The following MACROD2 variants were observed in gnomAD, a reference collection of about 807,000 sequenced individuals.
MACROD2 encodes mono-ADP ribosylhydrolase 2, also known as ADP-ribose glycohydrolase MACROD2.
MACROD2 carries 36 observed loss-of-function variants against 70.4 expected under a neutral mutation model. That is an observed-to-expected ratio of 0.51 (90% confidence interval 0.39 to 0.68). MACROD2 has a LOEUF of 0.68. Ranked by LOEUF, MACROD2 falls within the 30% of genes least tolerant of loss-of-function variation. MACROD2 has a pLI of 0.00. For missense variants in MACROD2, 496 were observed against 538.4 expected (o/e 0.92, Z 0.78); for synonymous variants, 172 against 178.8 (o/e 0.96, Z 0.30).
intron 4 of MACROD2, among the ~76,000 whole-genome samples, chr20:14,537,014 G>T (rs998012649): frequency 6.6e-6 from 1 of 152,110 alleles, no homozygotes; most frequent in African/African-American, 2.4e-5. Flanking sequence ...AAGGGTCAGG[G>T]TGGCTTCCTG....
intron 4 of MACROD2, among the ~76,000 whole-genome samples, chr20:14,521,713 T>G (rs111988520): frequency 1.3e-5 from 2 of 152,204 alleles, no homozygotes; most frequent in African/African-American, 4.8e-5. Context: ...TGTTTTCACT[T>G]CACCATGGTT....
At chr20:14,284,749 C>A (rs1179479283) in intron 3 of MACROD2, among the ~76,000 whole-genome samples, 1 of 152,096 alleles carries the variant, frequency 6.6e-6, no homozygotes, top group Non-Finnish European at 1.5e-5. Context: ...ATGAGTGCCC[C>A]CCATTTACTT....
Position 15,800,981 on chromosome 20 carries a change from T to C in MACROD2, c.646-61764T>C, listed in dbSNP as rs567480728. Among the ~76,000 whole-genome samples the C allele has an allele frequency of 2.6e-5, 4 of 151,272 alleles. No homozygotes were observed. The East Asian group carries it at 5.9e-4, about 22-fold the overall frequency. On this transcript the variant is annotated intron_variant, in intron 8 of 17. Coordinates refer to ENST00000684519, the MANE Select transcript of MACROD2 (RefSeq NM_001351661.2). ...AAGATGTGCTTTGTTAAACAGATGC[T>C]TGAAGGCAGCATGCTCCTTAAGAGT... is the stretch of plus-strand genomic sequence containing the variant.
At chr20:15,505,406 A>G (rs2047413564) in intron 8 of MACROD2, among the ~76,000 whole-genome samples, 1 of 152,132 alleles carries the variant, frequency 6.6e-6, no homozygotes, top group African/African-American at 2.4e-5. Context: ...CATGAAGGAA[A>G]CCTGAACCCC....
At chr20:15,240,972 T>C (rs1234802469) in intron 6 of MACROD2, among the ~76,000 whole-genome samples, 5 of 152,194 alleles carry the variant, frequency 3.3e-5, no homozygotes, top group Admixed American at 3.3e-4. Flanking sequence ...AAATTCCTGT[T>C]GTTTAAGCCT....
intron 5 of MACROD2, among the ~76,000 whole-genome samples, chr20:14,860,512 C>G (rs1016947562): frequency 1.3e-5 from 2 of 152,126 alleles, no homozygotes; most frequent in Non-Finnish European, 2.9e-5. Context: ...CGCTGCACCT[C>G]CCTCCCGGCT....
At chr20:15,255,278 T>C (rs1056889403) in intron 6 of MACROD2, among the ~76,000 whole-genome samples, 1 of 152,078 alleles carries the variant, frequency 6.6e-6, no homozygotes, top group Non-Finnish European at 1.5e-5. Flanking sequence ...ATTGACCTAG[T>C]CTGTTATGCA....
At chr20:14,962,605 A>G (rs1470730846) in intron 5 of MACROD2, among the ~76,000 whole-genome samples, 1 of 151,550 alleles carries the variant, frequency 6.6e-6, no homozygotes, top group Non-Finnish European at 1.5e-5. Flanking sequence ...GGAAATACCA[A>G]GCAAATAAAA....
rs190570648 is a variant in MACROD2 at position 15,033,823 on chromosome 20, A to G, written c.419-196117A>G. ...TCACACAAATTGCAATATGCATAAA[A>G]TATCCACCAGGTTTTAAAACAGGTC... is the stretch of plus-strand genomic sequence containing the variant. On this transcript the variant is annotated intron_variant, in intron 5 of 17. Coordinates refer to ENST00000684519, the MANE Select transcript of MACROD2 (RefSeq NM_001351661.2). 9.7e-4 allele frequency among the ~76,000 whole-genome samples: 147 copies of G among 152,324 alleles called. 2 individuals are homozygous for G. Among genetic ancestry groups the G allele is most frequent in the Non-Finnish European group, 7.4e-4 (50 of 68,018 alleles).
chr20:14,613,946 T>G (rs758736488), intron 4 of MACROD2, among the ~76,000 whole-genome samples: 6 of 152,134 alleles, frequency 3.9e-5, no homozygotes, highest in South Asian at 2.1e-4. Flanking sequence ...ACTCTAATAT[T>G]TGAGATCTAA....
intron 4 of MACROD2, among the ~76,000 whole-genome samples, chr20:14,562,465 G>A (rs371147161): frequency 2.6e-5 from 4 of 151,988 alleles, no homozygotes; most frequent in African/African-American, 9.6e-5. Context: ...CACAAAAAGA[G>A]TATAGATATA....
intron 6 of MACROD2, among the ~76,000 whole-genome samples, chr20:15,386,765 G>T (rs1452275687): frequency 2.0e-5 from 3 of 152,144 alleles, no homozygotes; most frequent in African/African-American, 7.2e-5. Context: ...AATAAAAGTG[G>T]TGCCACAGGC....
chr20:15,876,233 T>A (rs1480615627), intron 9 of MACROD2, among the ~76,000 whole-genome samples: 3 of 151,858 alleles, frequency 2.0e-5, no homozygotes, highest in Admixed American at 2.0e-4. Flanking sequence ...TCATTTACAT[T>A]AAGTATATCT....
chr20:15,560,825 T>A (rs1183770353), intron 8 of MACROD2, among the ~76,000 whole-genome samples: 1 of 151,572 alleles, frequency 6.6e-6, no homozygotes, highest in African/African-American at 2.4e-5. Flanking sequence ...AGGTCAATTT[T>A]TTTTTCCATT....
intron 4 of MACROD2, among the ~76,000 whole-genome samples, chr20:14,610,652 T>C (rs1444846753): frequency 1.3e-5 from 2 of 152,112 alleles, no homozygotes; most frequent in Admixed American, 1.3e-4. Flanking sequence ...CTATTATCTA[T>C]TTTAAATAAT....
rs548828699 is a variant in MACROD2, at chr20:15,451,953, G to A, written c.571+20518G>A. 2.0e-5 allele frequency among the ~76,000 whole-genome samples: 3 copies of A among 152,232 alleles called. No individual in the cohort carries two copies. In the East Asian group the frequency reaches 5.8e-4, roughly 29 times the overall value. On this transcript the variant is annotated intron_variant, in intron 7 of 17. Coordinates refer to ENST00000684519, the MANE Select transcript of MACROD2 (RefSeq NM_001351661.2). ...TAGTGGCATAGTGGCATAGGAGACT[G>A]GTGAGGACACCGTGGCCCAACAGAA...
chr20:14,017,657 C>T (rs763422043), intron 2 of MACROD2, among the ~76,000 whole-genome samples: 2 of 152,072 alleles, frequency 1.3e-5, no homozygotes, highest in Non-Finnish European at 2.9e-5. Context: ...GAGTAAATCA[C>T]ACTTGGTCAC....
chr20:14,034,903 G>A (rs1488795455), intron 2 of MACROD2, among the ~76,000 whole-genome samples: 2 of 152,036 alleles, frequency 1.3e-5, no homozygotes, highest in Admixed American at 1.3e-4. Context: ...GTCTTGATGT[G>A]TATGTATACA....
intron 2 of MACROD2, among the ~76,000 whole-genome samples, chr20:14,015,893 G>GT (rs2052983298): frequency 1.3e-5 from 2 of 152,170 alleles, no homozygotes; most frequent in South Asian, 4.1e-4. Flanking sequence ...TATTTGGGTT[G>GT]TTTCCACCTT....
Sources: gnomAD v4.1 joint callset for allele counts (sites outside exome capture counted in the v4.1 genomes callset) on GRCh38, gnomAD v4.1.1 for gene constraint, MANE v1.5 for transcripts, NCBI Gene and HGNC (gene_info 2026-07-23, HGNC 2026-07-21) for gene names.